The following APBA2 variants were observed in gnomAD, a reference collection of about 807,000 sequenced individuals.
APBA2 encodes the protein amyloid-beta A4 precursor protein-binding family A member 2.
In APBA2, 30 loss-of-function variants were observed where a neutral mutation model predicts 75.0. The ratio of observed to expected loss-of-function variants is 0.40; its 90% CI spans 0.30 to 0.54. The LOEUF (loss-of-function observed/expected upper bound fraction) is 0.54. Ranked by LOEUF, APBA2 falls within the 20% of genes least tolerant of loss-of-function variation. APBA2 has a pLI of 0.49. For synonymous variants in APBA2, 444 were observed against 409.6 expected (o/e 1.08, Z -1.01); for missense variants, 801 against 1,016.1 (o/e 0.79, Z 2.88).
At chr15:29,034,988 G>T (rs1390570074) in intron 3 of APBA2, among the ~76,000 whole-genome samples, 1 of 152,236 alleles carries the variant, frequency 6.6e-6, no homozygotes, top group Non-Finnish European at 1.5e-5. Flanking sequence ...GAATAAAGAT[G>T]ACTTCCACCC....
chr15:28,913,354 G>A (rs1300309796), intron 1 of APBA2, among the ~76,000 whole-genome samples: 1 of 152,204 alleles, frequency 6.6e-6, no homozygotes, highest in East Asian at 1.9e-4. Flanking sequence ...CCACCAGGCT[G>A]CTCAGCAGTG....
At position 29,088,366 on chromosome 15, in the gene APBA2, G is replaced by A. The variant is rs140775345; in HGVS notation, c.1070-4709G>A. On this transcript the variant is annotated intron_variant, in intron 6 of 14. Coordinates refer to ENST00000683413, the MANE Select transcript of APBA2 (RefSeq NM_001353788.2). The stretch of plus-strand genomic sequence containing the variant: ...ATCTGTTTTTCTAACCGGGACTCCC[G>A]AGTCCAGCCGCCTACTGAGCATCCA... 1.3e-4 allele frequency among the ~76,000 whole-genome samples: 20 copies of A among 152,132 alleles called. No individual in the cohort carries two copies. In the East Asian group the frequency reaches 3.3e-3, roughly 25 times the overall value.
intron 3 of APBA2, among the ~76,000 whole-genome samples, chr15:29,031,140 C>A (rs753160134): frequency 1.3e-5 from 2 of 151,876 alleles, no homozygotes; most frequent in Non-Finnish European, 2.9e-5. Flanking sequence ...AGTCTTCGTG[C>A]CATTTTTTTC....
chr15:29,114,749 T>G (rs1413576953), intron 14 of APBA2, among the ~76,000 whole-genome samples: 1 of 148,774 alleles, frequency 6.7e-6, no homozygotes, highest in East Asian at 2.0e-4. Flanking sequence ...TGGGTGTGGG[T>G]GTGTGGCTGT....
chr15:28,894,847 G>A (rs2032368528), intron 1 of APBA2, among the ~76,000 whole-genome samples: 1 of 151,786 alleles, frequency 6.6e-6, no homozygotes, highest in African/African-American at 2.4e-5. Flanking sequence ...GGGAGGGTGC[G>A]GGGAGGTGCT....
At chr15:28,947,522 G>A (rs2035613250) in intron 2 of APBA2, among the ~76,000 whole-genome samples, 1 of 152,288 alleles carries the variant, frequency 6.6e-6, no homozygotes, top group South Asian at 2.1e-4. Flanking sequence ...TCAGGCTAGG[G>A]GATGAGGTGG....
chr15:28,942,876 G>A (rs1540640), intron 2 of APBA2, among the ~76,000 whole-genome samples: 25,954 of 152,120 alleles, frequency 0.17, 3,110 homozygotes, highest in African/African-American at 0.34. Context: ...CGTTGTCCCC[G>A]AGGCCCGTGG....
chr15:29,055,685 G>A (rs192868804), intron 4 of APBA2, among the ~76,000 whole-genome samples: 1,766 of 151,502 alleles, frequency 0.012, 35 homozygotes, highest in African/African-American at 0.04. Flanking sequence ...GTGTGTGTGT[G>A]TGTGTGTGTG....
chr15:28,944,860 C>A (rs1470298084), intron 2 of APBA2, among the ~76,000 whole-genome samples: 1 of 152,230 alleles, frequency 6.6e-6, no homozygotes, highest in African/African-American at 2.4e-5. Flanking sequence ...CGCCATGCTG[C>A]TTGCCCCACG....
intron 3 of APBA2, among the ~76,000 whole-genome samples, chr15:28,996,298 T>C (rs959556781): frequency 2.0e-5 from 3 of 152,268 alleles, no homozygotes; most frequent in African/African-American, 4.8e-5. Flanking sequence ...CATTGTGAGA[T>C]ACCAGGAAGC....
chr15:28,920,018 C>T (rs945968825), intron 1 of APBA2, among the ~76,000 whole-genome samples: 2 of 152,206 alleles, frequency 1.3e-5, no homozygotes, highest in African/African-American at 4.8e-5. Flanking sequence ...TTTCATTTAT[C>T]TTCCTTCTTT....
intron 3 of APBA2, among the ~76,000 whole-genome samples, chr15:29,031,914 G>A (rs2040506672): frequency 6.6e-6 from 1 of 152,254 alleles, no homozygotes; most frequent in South Asian, 2.1e-4. Flanking sequence ...AGTTGAGGGT[G>A]AAGTGCAGGC....
At chr15:29,041,377 G>C (rs1008551241) in intron 3 of APBA2, among the ~76,000 whole-genome samples, 5 of 151,610 alleles carry the variant, frequency 3.3e-5, no homozygotes, top group African/African-American at 1.2e-4. Context: ...CATCTACTCA[G>C]AAGGCTGAGG....
chr15:29,106,728 C>T lies in APBA2; in HGVS notation c.1826C>T (p.Ser609Leu), dbSNP rs754328467. Reference protein sequence around the residue: ...NMMNGGPAARSGKLSIGDQIM... With the variant: ...NMMNGGPAARLGKLSIGDQIM... Reference sequence around the variant, plus strand: ...ATGAATGGCGGCCCGGCTGCCCGCTCGGGGAAGCTGAGCATCGGGGACCAG... The same window carrying T: ...ATGAATGGCGGCCCGGCTGCCCGCTTGGGGAAGCTGAGCATCGGGGACCAG... Residue 609 changes from serine (S) to leucine (L), a missense_variant, in exon 12 of 15, where the codon TCG becomes TTG. Coordinates refer to ENST00000683413, the MANE Select transcript of APBA2 (RefSeq NM_001353788.2). 7.4e-6 allele frequency: 12 copies of T among 1,612,874 alleles called. No individual in the cohort carries two copies. The highest frequency in any genetic ancestry group is 4.5e-5 in the East Asian group (2 of 44,856).
At chr15:28,941,262 C>T (rs866434161) in intron 2 of APBA2, among the ~76,000 whole-genome samples, 31 of 152,192 alleles carry the variant, frequency 2.0e-4, no homozygotes, top group African/African-American at 4.8e-4. Flanking sequence ...ACAAGCTGGG[C>T]GCTGGTGGCC....
At chr15:28,943,788 G>T (rs1434564269) in intron 2 of APBA2, among the ~76,000 whole-genome samples, 2 of 151,398 alleles carry the variant, frequency 1.3e-5, no homozygotes, top group East Asian at 2.1e-4. Context: ...GCCCCTCCTT[G>T]GGCTGTGGCT....
rs577006502 is a variant in APBA2 at position 29,111,162 on chromosome 15, C to G, written c.2038-2714C>G. Among the ~76,000 whole-genome samples, 12 of 152,056 alleles carry G rather than the reference C, an allele frequency of 7.9e-5. No homozygotes were observed. In the South Asian group the frequency reaches 2.5e-3, roughly 32 times the overall value. On this transcript the variant is annotated intron_variant, in intron 13 of 14. Coordinates refer to ENST00000683413, the MANE Select transcript of APBA2 (RefSeq NM_001353788.2). ...GAGGGTGCCACCCACGGCTCGGTGT[C>G]TCTGCCCTGGGTCTAGGGTCTGAGT...
chr15:29,067,026 C>T (rs78215567), intron 4 of APBA2, among the ~76,000 whole-genome samples: 2,039 of 152,214 alleles, frequency 0.013, 41 homozygotes, highest in African/African-American at 0.047. Flanking sequence ...GCCAGCACTT[C>T]ACATGGTGAG....
At chr15:28,922,932 T>A (rs1354051495) in intron 2 of APBA2, among the ~76,000 whole-genome samples, 1 of 152,152 alleles carries the variant, frequency 6.6e-6, no homozygotes, top group Non-Finnish European at 1.5e-5. Context: ...AGAACTGAGG[T>A]TGTTGCCCAT....
Sources: allele counts gnomAD v4.1 joint callset (sites outside exome capture counted in the v4.1 genomes callset), GRCh38; gene constraint gnomAD v4.1.1; transcripts MANE v1.5; gene names NCBI Gene and HGNC (gene_info 2026-07-23, HGNC 2026-07-21).